IL20RB: variants seen among roughly 807,000 people sequenced by gnomAD.
IL20RB encodes interleukin-20 receptor subunit beta.
In IL20RB, 21 loss-of-function variants were observed where a neutral mutation model predicts 33.3. The ratio of observed to expected loss-of-function variants is 0.63; its 90% CI spans 0.45 to 0.91. IL20RB has a LOEUF of 0.91. Among genes scored for constraint, IL20RB ranks in the 40% least tolerant of loss-of-function variants. The pLI, the probability that IL20RB is intolerant of heterozygous loss-of-function variation, is 0.00. For missense variants in IL20RB, 345 were observed against 384.8 expected (o/e 0.90, Z 0.86); for synonymous variants, 147 against 146.8 (o/e 1.00, Z -0.01).
At chr3:136,987,308 A>G (rs1460278085) in intron 3 of IL20RB, among the ~76,000 whole-genome samples, 3 of 151,994 alleles carry the variant, frequency 2.0e-5, no homozygotes, top group South Asian at 2.1e-4. Context: ...GATACAGAGT[A>G]TAGACACAAA....
chr3:136,973,714 T>C (rs1385212534), intron 1 of IL20RB, among the ~76,000 whole-genome samples: 4 of 152,182 alleles, frequency 2.6e-5, no homozygotes, highest in Non-Finnish European at 4.4e-5. Flanking sequence ...TTAGATCTAG[T>C]AGTATTTGCT....
At chr3:136,995,192 TC>T (rs996151456) in intron 5 of IL20RB, among the ~76,000 whole-genome samples, 1 of 152,218 alleles carries the variant, frequency 6.6e-6, no homozygotes, top group Non-Finnish European at 1.5e-5. Flanking sequence ...ATTTTAATCT[TC>T]CCTGGGGCTT....
chr3:136,958,249 G>C (rs771521396), intron 1 of IL20RB, 48 bp downstream of exon 1: 1 of 1,158,368 alleles, frequency 8.6e-7, no homozygotes, highest in Non-Finnish European at 1.3e-6. Context: ...TTGAATATAG[G>C]TTAAGAAGGC....
chr3:136,992,228 A>G (rs541526874), intron 5 of IL20RB, 140 bp downstream of exon 5: 3 of 870,044 alleles, frequency 3.4e-6, no homozygotes, highest in Admixed American at 3.0e-5. Context: ...GTGGGTTCCC[A>G]TAGTGAAATT....
At chr3:136,989,371 G>C in intron 3 of IL20RB, 70 bp from the exon 4 acceptor site, 2 of 1,578,508 alleles carry the variant, frequency 1.3e-6, no homozygotes, top group Middle Eastern at 1.7e-4. Flanking sequence ...TACATGACCC[G>C]GTCATTGTGT....
intron 3 of IL20RB, chr3:136,986,811 G>A (rs1941911536): frequency 4.4e-6 from 2 of 453,182 alleles, no homozygotes; most frequent in African/African-American, 2.0e-5. Context: ...TTAAGGTGGC[G>A]CGTCTGGAGT....
chr3:136,994,513 G>T (rs171519), intron 5 of IL20RB, among the ~76,000 whole-genome samples: 88,005 of 151,940 alleles, frequency 0.58, 26,108 homozygotes, highest in East Asian at 0.9. Context: ...CCAAAATCAT[G>T]GAAACAATGT....
intron 1 of IL20RB, among the ~76,000 whole-genome samples, chr3:136,967,202 T>C (rs910050449): frequency 1.3e-5 from 2 of 151,822 alleles, no homozygotes; most frequent in African/African-American, 2.4e-5. Flanking sequence ...TTCTGTAGAT[T>C]TCTATTAGGT....
At chr3:136,971,792 A>C (rs1941492710) in intron 1 of IL20RB, among the ~76,000 whole-genome samples, 1 of 152,232 alleles carries the variant, frequency 6.6e-6, no homozygotes, top group Admixed American at 6.5e-5. Flanking sequence ...TGGTGCAATA[A>C]ACATGAAAAG....
intron 1 of IL20RB, among the ~76,000 whole-genome samples, chr3:136,973,207 C>T (rs539535428): frequency 1.7e-4 from 26 of 151,836 alleles, no homozygotes; most frequent in African/African-American, 5.3e-4. Context: ...GTTGGCTGGG[C>T]GCAGTGTCTC....
chr3:136,985,832 G>A (rs1032780246), intron 3 of IL20RB, among the ~76,000 whole-genome samples: 1 of 152,100 alleles, frequency 6.6e-6, no homozygotes, highest in Non-Finnish European at 1.5e-5. Flanking sequence ...GTACAGCCAG[G>A]GTTGAGATCC....
At chr3:136,986,534 T>C (rs1319922360) in intron 3 of IL20RB, among the ~76,000 whole-genome samples, 1 of 152,200 alleles carries the variant, frequency 6.6e-6, no homozygotes, top group Non-Finnish European at 1.5e-5. Context: ...TGCTATGTGG[T>C]CATATGAACC....
intron 1 of IL20RB, among the ~76,000 whole-genome samples, chr3:136,978,242 T>C (rs1941677225): frequency 6.6e-6 from 1 of 150,810 alleles, no homozygotes; most frequent in Non-Finnish European, 1.5e-5. Flanking sequence ...CTTGGCTCAC[T>C]GCAACCTCCG....
At chr3:136,960,817 A>G (rs1707596145) in intron 1 of IL20RB, among the ~76,000 whole-genome samples, 1 of 152,224 alleles carries the variant, frequency 6.6e-6, no homozygotes, top group South Asian at 2.1e-4. Flanking sequence ...AGGTAGAAGA[A>G]GGGAGGAGGG....
chr3:136,958,124 T>A lies in IL20RB; in HGVS notation c.11T>A (p.Phe4Tyr). 6.2e-7 allele frequency: 1 copy of A among 1,604,980 alleles called. No homozygotes were observed. Among genetic ancestry groups the A allele is most frequent in the South Asian group, 1.1e-5 (1 of 90,756 alleles). The change falls in exon 1 of 7, where the codon TTC (phenylalanine) becomes TAC (tyrosine). Residue 4 changes from phenylalanine to tyrosine, a missense_variant. Phe to Tyr is a conservative substitution (Grantham distance 22). Transcript: ENST00000329582. The part of the protein sequence containing the change: MQT[F>Y]TMVLEEIWTS... ...AACTGAGTCTACCAAATGCAGACTT[T>A]CACAATGGTTCTAGAAGAAATCTGG...
chr3:136,995,673 C>A, intron 6 of IL20RB, 117 bp downstream of exon 6: 1 of 912,316 alleles, frequency 1.1e-6, no homozygotes, highest in Non-Finnish European at 1.7e-6. Context: ...GGCATCTGCA[C>A]AGAGAGGGGA....
intron 1 of IL20RB, among the ~76,000 whole-genome samples, chr3:136,970,796 G>A (rs1941459808): frequency 6.6e-6 from 1 of 151,902 alleles, no homozygotes; most frequent in Non-Finnish European, 1.5e-5. Flanking sequence ...GGGACTACAG[G>A]CGTGTGCCAC....
intron 6 of IL20RB, among the ~76,000 whole-genome samples, chr3:137,000,326 C>A (rs1313362632): frequency 6.6e-6 from 1 of 152,200 alleles, no homozygotes; most frequent in East Asian, 1.9e-4. Context: ...AATTTATGTA[C>A]AGAATTGCAG....
chr3:136,985,582 C>G (rs1200450845), intron 3 of IL20RB, among the ~76,000 whole-genome samples: 1 of 152,128 alleles, frequency 6.6e-6, no homozygotes, highest in Non-Finnish European at 1.5e-5. Context: ...GGTGATCCGC[C>G]CACCTCAGCC....
Sources: gnomAD v4.1 joint callset for allele counts (sites outside exome capture counted in the v4.1 genomes callset) on GRCh38, gnomAD v4.1.1 for gene constraint, MANE v1.5 for transcripts, NCBI Gene and HGNC (gene_info 2026-07-23, HGNC 2026-07-21) for gene names.